Variants in SPTSSB observed in about 807,000 individuals in gnomAD.
SPTSSB encodes serine palmitoyltransferase small subunit B, also known as androgen down regulated in mouse prostate.
A neutral mutation model predicts 7.7 loss-of-function variants in SPTSSB; 6 were observed. The ratio of observed to expected loss-of-function variants is 0.78; its 90% CI spans 0.43 to 1.54. The LOEUF (loss-of-function observed/expected upper bound fraction) is 1.54, where lower values mean the gene tolerates loss of function less well. Among genes scored for constraint, SPTSSB ranks in the 40% most tolerant of loss-of-function variants. The pLI is 0.01. For synonymous variants in SPTSSB, 28 were observed against 29.7 expected (o/e 0.94, Z 0.19); for missense variants, 91 against 93.0 (o/e 0.98, Z 0.09).
intron 1 of SPTSSB, among the ~76,000 whole-genome samples, chr3:161,365,528 A>G (rs150448933): frequency 3.4e-4 from 52 of 152,356 alleles, no homozygotes; most frequent in African/African-American, 1.2e-3. Context: ...CAAAAGGCAT[A>G]TAACATATCC....
intron 2 of SPTSSB, among the ~76,000 whole-genome samples, chr3:161,352,947 G>A (rs1366012826): frequency 1.3e-5 from 2 of 152,178 alleles, no homozygotes; most frequent in African/African-American, 4.8e-5. Flanking sequence ...TACTCTAGGT[G>A]AGTAATAATT....
intron 2 of SPTSSB, among the ~76,000 whole-genome samples, chr3:161,358,176 C>A (rs531191835): frequency 6.6e-6 from 1 of 151,766 alleles, no homozygotes; most frequent in Non-Finnish European, 1.5e-5. Flanking sequence ...CCACTGCCCC[C>A]GGCAGAAACA....
At chr3:161,361,210 G>C (rs1002610814) in intron 1 of SPTSSB, among the ~76,000 whole-genome samples, 1 of 152,104 alleles carries the variant, frequency 6.6e-6, no homozygotes, top group African/African-American at 2.4e-5. Flanking sequence ...TGGAACTGTT[G>C]TTTTGTTTGC....
intron 1 of SPTSSB, among the ~76,000 whole-genome samples, chr3:161,371,154 A>G (rs1715492983): frequency 2.0e-5 from 3 of 152,214 alleles, no homozygotes; most frequent in Admixed American, 6.5e-5. Flanking sequence ...AATGGACTAC[A>G]CGAAGGTAAA....
chr3:161,346,523 A>T (rs564658624), intron 2 of SPTSSB, among the ~76,000 whole-genome samples, 168 bp from the exon 3 acceptor site: 1 of 152,248 alleles, frequency 6.6e-6, no homozygotes, highest in African/African-American at 2.4e-5. Context: ...TTAACTATAA[A>T]AATTAATAAT....
intron 2 of SPTSSB, among the ~76,000 whole-genome samples, chr3:161,357,585 T>G (rs1247019606): frequency 6.6e-6 from 1 of 152,254 alleles, no homozygotes; most frequent in Non-Finnish European, 1.5e-5. Context: ...CCAAAACCTA[T>G]GTTCATGTCT....
Position 161,344,842 on chromosome 3 carries a change from A to G in SPTSSB, c.*1251T>C, listed in dbSNP as rs1290916029. ...TTATTTTGCAAAACTCAACAAATACATGTTCAGATCTGGTTTCTCTTCAAA... is the reference window on the plus strand; with the variant it reads ...TTATTTTGCAAAACTCAACAAATACGTGTTCAGATCTGGTTTCTCTTCAAA... On this transcript the variant is annotated 3_prime_UTR_variant, in exon 3 of 3. Transcript: ENST00000620149. 6.6e-6 allele frequency: 1 copy of G among 152,578 alleles called. No homozygotes were observed. The highest frequency in any genetic ancestry group is 2.4e-5 in the African/African-American group (1 of 41,474). The allele number at this position is 152,578 out of a possible 1,614,324, so 9.5% of individuals were successfully genotyped here. A position where few individuals can be genotyped will look rare whatever the true frequency, so the allele number is the denominator to read the frequency against.
At position 161,346,012 on chromosome 3, in the gene SPTSSB, G is replaced by A. The variant is rs1380209492; in HGVS notation, c.*81C>T. 4 of 738,622 alleles carry A rather than the reference G, an allele frequency of 5.4e-6. No homozygotes were observed. In the East Asian group the frequency reaches 8.0e-5, roughly 15 times the overall value. The allele number at this position is 738,622 out of a possible 1,614,324, so 45.8% of individuals were successfully genotyped here. On this transcript the variant is annotated 3_prime_UTR_variant, in exon 3 of 3. Transcript: ENST00000620149. ...GTGCTTTTCAGGTCAGATAGTGAAG[G>A]AAGACACAATAGTTACCTAAATCAA...
chr3:161,351,256 A>T (rs1196214986), intron 2 of SPTSSB, among the ~76,000 whole-genome samples: 1 of 152,188 alleles, frequency 6.6e-6, no homozygotes, highest in East Asian at 1.9e-4. Context: ...CTAATGTAAG[A>T]TTTTAAAGGG....
rs1481469542 is a variant in SPTSSB at position 161,346,304 on chromosome 3, T to A, written c.20A>T (p.Lys7Met). Residue 7 changes from lysine to methionine, a missense_variant, in exon 3 of 3, where the codon AAG (lysine) becomes ATG (methionine). Lys to Met is a moderately conservative substitution (Grantham distance 95). Coordinates refer to ENST00000620149, the MANE Select transcript of SPTSSB (RefSeq NM_001040100.2). MDLRRVKEYFSWLYYQY... is the reference protein window; with the variant it reads MDLRRVMEYFSWLYYQY... The stretch of plus-strand genomic sequence containing the variant: ...ATAGTAGAGCCAGGAGAAATATTCC[T>A]TCACACGCCTCAAATCCATGGTTGG... 8 of 1,612,550 alleles carry A rather than the reference T, an allele frequency of 5.0e-6. No individual in the cohort carries two copies.
intron 1 of SPTSSB, among the ~76,000 whole-genome samples, chr3:161,368,117 T>C (rs1167870533): frequency 6.6e-6 from 1 of 152,024 alleles, no homozygotes. Context: ...TTCTTAAATA[T>C]TTCATATATT....
intron 1 of SPTSSB, among the ~76,000 whole-genome samples, chr3:161,370,006 A>T (rs1478368718): frequency 6.6e-6 from 1 of 152,098 alleles, no homozygotes; most frequent in Non-Finnish European, 1.5e-5. Flanking sequence ...GTTTTTAGGG[A>T]GTGGATTTGA....
chr3:161,368,872 TGTA>T (rs1234103583), intron 1 of SPTSSB, among the ~76,000 whole-genome samples: 3 of 152,264 alleles, frequency 2.0e-5, no homozygotes, highest in Non-Finnish European at 2.9e-5. Flanking sequence ...TCATCCATGT[TGTA>T]GTATGTATCA....
intron 2 of SPTSSB, among the ~76,000 whole-genome samples, chr3:161,352,186 A>G (rs905857412): frequency 8.5e-5 from 13 of 152,154 alleles, no homozygotes; most frequent in African/African-American, 2.9e-4. Context: ...ATGAAATAAA[A>G]CCTTCGTTTA....
intron 1 of SPTSSB, among the ~76,000 whole-genome samples, chr3:161,370,108 T>G (rs972277327): frequency 6.6e-6 from 1 of 152,154 alleles, no homozygotes; most frequent in Non-Finnish European, 1.5e-5. Flanking sequence ...GGTAAGATAG[T>G]GGCAAAACTC....
chr3:161,366,316 G>A (rs543388024), intron 1 of SPTSSB, among the ~76,000 whole-genome samples: 1 of 152,340 alleles, frequency 6.6e-6, no homozygotes, highest in East Asian at 1.9e-4. Context: ...TACATAGGTT[G>A]TAATTCGCGA....
At chr3:161,367,032 C>T (rs1290964128) in intron 1 of SPTSSB, among the ~76,000 whole-genome samples, 1 of 152,064 alleles carries the variant, frequency 6.6e-6, no homozygotes, top group Non-Finnish European at 1.5e-5. Context: ...GAAAATTTAG[C>T]TGGGCGTGGT....
At chr3:161,371,165 T>C (rs76691358) in intron 1 of SPTSSB, among the ~76,000 whole-genome samples, 3,512 of 152,258 alleles carry the variant, frequency 0.023, 136 homozygotes, top group African/African-American at 0.079. Context: ...CGAAGGTAAA[T>C]AGTGAAAATA....
At chr3:161,370,625 C>T (rs1466931394) in intron 1 of SPTSSB, among the ~76,000 whole-genome samples, 1 of 152,170 alleles carries the variant, frequency 6.6e-6, no homozygotes, top group Non-Finnish European at 1.5e-5. Flanking sequence ...TTTTGAAAAA[C>T]AATTTTCCCA....
Sources: allele counts gnomAD v4.1 joint callset (sites outside exome capture counted in the v4.1 genomes callset), GRCh38; gene constraint gnomAD v4.1.1; transcripts MANE v1.5; gene names NCBI Gene and HGNC (gene_info 2026-07-23, HGNC 2026-07-21).